RXRG: variants seen among roughly 807,000 people sequenced by gnomAD.
RXRG encodes retinoic acid receptor RXR-gamma.
A neutral mutation model predicts 49.2 loss-of-function variants in RXRG; 19 were observed. The ratio of observed to expected loss-of-function variants is 0.39; its 90% CI spans 0.27 to 0.57. The LOEUF (loss-of-function observed/expected upper bound fraction) is 0.57. Among genes scored for constraint, RXRG ranks in the 20% least tolerant of loss-of-function variants. The pLI, the probability that RXRG is intolerant of heterozygous loss-of-function variation, is 0.64. For missense variants in RXRG, 452 were observed against 592.5 expected, an observed-to-expected ratio of 0.76 and a Z score of 2.46; for synonymous variants, 224 against 216.6, an observed-to-expected ratio of 1.03 and a Z score of -0.30.
At chr1:165,442,927 C>T (rs1659051003) in intron 1 of RXRG, among the ~76,000 whole-genome samples, 1 of 152,242 alleles carries the variant, frequency 6.6e-6, no homozygotes, top group Admixed American at 6.5e-5. Flanking sequence ...TCCTCTTCCT[C>T]CTGGTGCTCT....
At chr1:165,433,160 C>A (rs935494171) in intron 1 of RXRG, among the ~76,000 whole-genome samples, 2 of 152,134 alleles carry the variant, frequency 1.3e-5, no homozygotes, top group African/African-American at 4.8e-5. Flanking sequence ...ATTTTTCCAT[C>A]CCTTCCATCA....
intron 1 of RXRG, among the ~76,000 whole-genome samples, chr1:165,440,646 AGAG>A (rs780359356): frequency 0.41 from 62,777 of 152,024 alleles, 13,683 homozygotes; most frequent in East Asian, 0.7. Context: ...CAATCTCATG[AGAG>A]CCACCAAAGC....
chr1:165,402,531 C>T (rs1029891551), intron 9 of RXRG, among the ~76,000 whole-genome samples: 15 of 147,742 alleles, frequency 1.0e-4, no homozygotes, highest in African/African-American at 3.9e-4. Flanking sequence ...CACTGACCCA[C>T]ACATTATCCT....
intron 9 of RXRG, among the ~76,000 whole-genome samples, chr1:165,404,987 G>A (rs1045395485): frequency 2.3e-4 from 35 of 152,268 alleles, no homozygotes; most frequent in African/African-American, 7.0e-4. Flanking sequence ...TTGAACAACC[G>A]ACCTCAGGTG....
At chr1:165,407,030 G>T in intron 8 of RXRG, 113 bp from the exon 9 acceptor site, 1 of 693,552 alleles carries the variant, frequency 1.4e-6, no homozygotes, top group Non-Finnish European at 2.5e-6. Flanking sequence ...ATGGGGACAA[G>T]TGTGAAATAA....
intron 6 of RXRG, among the ~76,000 whole-genome samples, chr1:165,410,264 A>G (rs970311839): frequency 6.6e-6 from 1 of 152,178 alleles, no homozygotes; most frequent in Non-Finnish European, 1.5e-5. Flanking sequence ...AACGGCCTGC[A>G]AGTGTCCCAG....
At chr1:165,408,762 AC>A (rs1657840609) in intron 7 of RXRG, among the ~76,000 whole-genome samples, 1 of 152,202 alleles carries the variant, frequency 6.6e-6, no homozygotes, top group Non-Finnish European at 1.5e-5. Flanking sequence ...CATTCCAAAC[AC>A]CATGTTGGGC....
chr1:165,421,483 G>A (rs1658311389), intron 2 of RXRG, among the ~76,000 whole-genome samples: 1 of 150,950 alleles, frequency 6.6e-6, no homozygotes, highest in Non-Finnish European at 1.5e-5. Context: ...CATGTCTTGA[G>A]ATTATGATTC....
chr1:165,435,006 AAC>A (rs1242916450), intron 1 of RXRG, among the ~76,000 whole-genome samples: 3 of 152,202 alleles, frequency 2.0e-5, no homozygotes, highest in Non-Finnish European at 4.4e-5. Flanking sequence ...CATGGTTCTA[AAC>A]ACTTTATACA....
intron 4 of RXRG, among the ~76,000 whole-genome samples, chr1:165,414,625 G>GC (rs1231765790): frequency 2.6e-5 from 4 of 152,156 alleles, no homozygotes; most frequent in African/African-American, 9.7e-5. Flanking sequence ...AAATGACCCT[G>GC]CAGTCACTGG....
intron 2 of RXRG, among the ~76,000 whole-genome samples, chr1:165,423,482 C>G (rs1658388776): frequency 1.3e-5 from 2 of 152,162 alleles, no homozygotes; most frequent in South Asian, 4.1e-4. Context: ...GTGTTCAGCC[C>G]AAATCCTTCC....
rs58659239 is a variant in RXRG, at chr1:165,432,093, G to A, written c.50-3127C>T. 9.0e-3 allele frequency among the ~76,000 whole-genome samples: 1,373 copies of A among 152,266 alleles called. 18 individuals are homozygous for A. The highest frequency in any genetic ancestry group is 0.032 in the African/African-American group (1,320 of 41,528). On this transcript the variant is annotated intron_variant, in intron 1 of 9. Coordinates refer to ENST00000359842, the MANE Select transcript of RXRG (RefSeq NM_006917.5). The stretch of plus-strand genomic sequence containing the variant: ...CAAATATGGACTTTGAAGAACTCAT[G>A]AGTTGTTTCAAAAATAAAATGAGAT...
rs1557922547 is a variant in RXRG at position 165,428,892 on chromosome 1, G to A, written c.124C>T (p.His42Tyr). 2 of 1,614,060 alleles carry A rather than the reference G, an allele frequency of 1.2e-6. No individual in the cohort carries two copies. Among genetic ancestry groups the A allele is most frequent in the East Asian group, 2.2e-5 (1 of 44,868 alleles). The change falls in exon 2 of 10, where the codon CAC (histidine) becomes TAC (tyrosine). Residue 42 changes from histidine to tyrosine, a missense_variant. Physicochemically the swap from His to Tyr is moderately conservative, Grantham distance 83. Transcript: ENST00000359842. ...ALSTGKPMDS[H>Y]PSYTDTPVSA... ...ACTGGGGTATCTGTGTAGCTGGGGT[G>A]GCTGTCCATTGGCTTCCCTGTGGAC...
At chr1:165,424,361 T>A (rs564226842) in intron 2 of RXRG, among the ~76,000 whole-genome samples, 1 of 152,324 alleles carries the variant, frequency 6.6e-6, no homozygotes, top group African/African-American at 2.4e-5. Context: ...ATTACCTAAG[T>A]GTATAATACT....
At chr1:165,406,779 G>T in intron 9 of RXRG, 33 bp downstream of exon 9, 2 of 1,476,368 alleles carry the variant, frequency 1.4e-6, no homozygotes, top group Non-Finnish European at 1.9e-6. Context: ...AGTAGTTGCT[G>T]CTGTTACTAC....
At chr1:165,413,579 A>G (rs184601279) in intron 4 of RXRG, among the ~76,000 whole-genome samples, 3 of 152,274 alleles carry the variant, frequency 2.0e-5, no homozygotes, top group East Asian at 1.9e-4. Context: ...GGCTAGGTCT[A>G]TTAATAAAGA....
chr1:165,421,925 C>A (rs1274513788), intron 2 of RXRG, among the ~76,000 whole-genome samples: 1 of 152,200 alleles, frequency 6.6e-6, no homozygotes, highest in Non-Finnish European at 1.5e-5. Context: ...AATAACTTTC[C>A]TCAAGTGCCT....
intron 6 of RXRG, 140 bp downstream of exon 6, chr1:165,410,562 A>AG (rs1657910916): frequency 1.1e-6 from 1 of 892,426 alleles, no homozygotes; most frequent in East Asian, 2.7e-5. Context: ...TTTGGGAATG[A>AG]ACAACCCCGC....
chr1:165,434,167 T>C (rs1658758316), intron 1 of RXRG, among the ~76,000 whole-genome samples: 1 of 152,202 alleles, frequency 6.6e-6, no homozygotes, highest in Non-Finnish European at 1.5e-5. Flanking sequence ...TTTTTGTTAA[T>C]TAATGTATAC....
Sources: gnomAD v4.1 joint callset for allele counts (sites outside exome capture counted in the v4.1 genomes callset) on GRCh38, gnomAD v4.1.1 for gene constraint, MANE v1.5 for transcripts, NCBI Gene and HGNC (gene_info 2026-07-23, HGNC 2026-07-21) for gene names.